The following SND1 variants were observed in gnomAD, a reference collection of about 807,000 sequenced individuals.
SND1 encodes staphylococcal nuclease and tudor domain containing 1, also known as staphylococcal nuclease domain-containing protein 1.
In SND1, 38 loss-of-function variants were observed where a neutral mutation model predicts 121.7. That is an observed-to-expected ratio of 0.31 (90% CI 0.24 to 0.41). SND1 has a LOEUF of 0.41. Among genes scored for constraint, SND1 ranks in the 10% least tolerant of loss-of-function variants. The pLI, the probability that SND1 is intolerant of heterozygous loss-of-function variation, is 1.00. For missense variants in SND1, 868 were observed against 1,184.6 expected (o/e 0.73, Z 3.92); for synonymous variants, 401 against 447.4 (o/e 0.90, Z 1.31).
chr7:127,917,526 G>A (rs758382898), intron 14 of SND1, among the ~76,000 whole-genome samples: 1 of 151,738 alleles, frequency 6.6e-6, no homozygotes, highest in African/African-American at 2.4e-5. Flanking sequence ...TTTTTTGCGC[G>A]GGTAGCTGTG....
chr7:127,809,183 T>C (rs1269209631), intron 11 of SND1, among the ~76,000 whole-genome samples: 4 of 152,192 alleles, frequency 2.6e-5, no homozygotes, highest in African/African-American at 9.6e-5. Flanking sequence ...TAACCTCCAG[T>C]GTCAGATATG....
chr7:127,721,217 TG>T lies in SND1; in HGVS notation c.1039-67del. On this transcript the variant is annotated intron_variant, in intron 9 of 23. Coordinates refer to ENST00000354725, the MANE Select transcript of SND1 (RefSeq NM_014390.4). ...TCTCACTTTCTACCTGTGAGGGTGG[TG>T]GGCCTTGCTCTTGGACATGTGATGG... is the stretch of plus-strand genomic sequence containing the variant. The T allele has an allele frequency of 3.1e-6, 3 of 978,116 alleles. No individual in the cohort carries two copies. The South Asian group carries it at 3.9e-5, about 13-fold the overall frequency. The allele number at this position is 978,116 out of a possible 1,614,324, so 60.6% of individuals were successfully genotyped here.
intron 1 of SND1, among the ~76,000 whole-genome samples, chr7:127,655,659 T>C (rs1354448352): frequency 3.3e-5 from 5 of 152,238 alleles, no homozygotes; most frequent in Admixed American, 3.3e-4. Context: ...TGGGTTTCTT[T>C]GAATAATTTG....
intron 10 of SND1, among the ~76,000 whole-genome samples, chr7:127,756,587 CA>C (rs1187194447): frequency 6.6e-6 from 1 of 152,204 alleles, no homozygotes; most frequent in Non-Finnish European, 1.5e-5. Flanking sequence ...TATCTTCCTC[CA>C]TATCTAGAAT....
chr7:127,748,027 T>A (rs1344013655), intron 10 of SND1, among the ~76,000 whole-genome samples: 1 of 152,240 alleles, frequency 6.6e-6, no homozygotes, highest in African/African-American at 2.4e-5. Flanking sequence ...TTGGTTTGTT[T>A]CTGTCTTTCT....
chr7:127,717,769 T>G (rs541741010), intron 9 of SND1, among the ~76,000 whole-genome samples: 1 of 152,300 alleles, frequency 6.6e-6, no homozygotes, highest in Non-Finnish European at 1.5e-5. Context: ...ACTGGAAATT[T>G]TGGCAGCATT....
intron 10 of SND1, among the ~76,000 whole-genome samples, chr7:127,729,704 A>G (rs1377616733): frequency 1.3e-5 from 2 of 152,132 alleles, no homozygotes; most frequent in Non-Finnish European, 2.9e-5. Context: ...CCTGACAAGT[A>G]TGTGTGTGTG....
chr7:128,038,839 G>GA (rs1792799384), intron 16 of SND1, among the ~76,000 whole-genome samples: 2 of 152,128 alleles, frequency 1.3e-5, no homozygotes, highest in African/African-American at 4.8e-5. Flanking sequence ...ATCTATTCAA[G>GA]ACATAGATTT....
At chr7:127,997,970 G>T (rs139244822) in intron 16 of SND1, 6 of 534,620 alleles carry the variant, frequency 1.1e-5, no homozygotes, top group Non-Finnish European at 2.3e-5. Flanking sequence ...GCATGTATCT[G>T]TTGTGCACTT....
At chr7:127,957,739 T>C (rs1801630762) in intron 15 of SND1, among the ~76,000 whole-genome samples, 1 of 152,186 alleles carries the variant, frequency 6.6e-6, no homozygotes, top group Non-Finnish European at 1.5e-5. Context: ...TCGCTCTTGT[T>C]GTCCAGGCTG....
intron 14 of SND1, among the ~76,000 whole-genome samples, chr7:127,926,549 CTTTTTTTTTTTTTTT>C (rs71160605): frequency 1.1e-5 from 1 of 90,558 alleles, no homozygotes; most frequent in African/African-American, 4.5e-5. Context: ...TTTTCTTTTT[CTTTTTTTTTTTTTTT>C]TTTTTTTTGT....
chr7:127,941,889 GTTTT>G (rs34389081), intron 15 of SND1, among the ~76,000 whole-genome samples: 2 of 100,258 alleles, frequency 2.0e-5, no homozygotes, highest in Non-Finnish European at 3.9e-5. Context: ...TTGATAGGGA[GTTTT>G]TTTTTTTTTT....
chr7:127,776,227 A>G (rs1797618075), intron 10 of SND1, among the ~76,000 whole-genome samples: 1 of 152,200 alleles, frequency 6.6e-6, no homozygotes, highest in Non-Finnish European at 1.5e-5. Context: ...ATGGGGCACC[A>G]ATCACAACAA....
At chr7:127,915,269 G>A (rs147234937) in intron 14 of SND1, among the ~76,000 whole-genome samples, 1 of 152,216 alleles carries the variant, frequency 6.6e-6, no homozygotes, top group East Asian at 1.9e-4. Context: ...ACTGCACCCA[G>A]CCTGGTGTTC....
chr7:127,956,593 C>T (rs974198596), intron 15 of SND1, among the ~76,000 whole-genome samples: 1 of 152,152 alleles, frequency 6.6e-6, no homozygotes, highest in South Asian at 2.1e-4. Context: ...AGAGCTTCAG[C>T]AGATCCCTAA....
At chr7:128,058,079 CTCAG>C (rs1335959348) in intron 16 of SND1, among the ~76,000 whole-genome samples, 2 of 152,264 alleles carry the variant, frequency 1.3e-5, no homozygotes, top group Non-Finnish European at 2.9e-5. Context: ...CCTGCCCTCT[CTCAG>C]AGGAAAGCTC....
chr7:127,883,776 A>G (rs1435542834), intron 12 of SND1, among the ~76,000 whole-genome samples: 1 of 152,168 alleles, frequency 6.6e-6, no homozygotes, highest in Non-Finnish European at 1.5e-5. Flanking sequence ...ATAGTTCTTC[A>G]GTCTTTCTTT....
intron 14 of SND1, among the ~76,000 whole-genome samples, chr7:127,928,763 C>A (rs1800901622): frequency 6.6e-6 from 1 of 151,814 alleles, no homozygotes; most frequent in Non-Finnish European, 1.5e-5. Flanking sequence ...TAATTTTTTT[C>A]TATTTTTAGT....
intron 10 of SND1, among the ~76,000 whole-genome samples, chr7:127,791,169 A>G (rs1260504892): frequency 1.5e-4 from 18 of 120,888 alleles, no homozygotes; most frequent in Non-Finnish European, 2.3e-4. Context: ...TTTTTGAGGC[A>G]GGGTCTCACT....
Sources: allele counts gnomAD v4.1 joint callset (sites outside exome capture counted in the v4.1 genomes callset), GRCh38; gene constraint gnomAD v4.1.1; transcripts MANE v1.5; gene names NCBI Gene and HGNC (gene_info 2026-07-23, HGNC 2026-07-21).